Variants in GAB2 observed in about 807,000 individuals in gnomAD.
GAB2 encodes GRB2 associated binding protein 2.
A neutral mutation model predicts 65.5 loss-of-function variants in GAB2; 26 were observed. The ratio of observed to expected loss-of-function variants is 0.40; its 90% CI spans 0.29 to 0.55. The LOEUF (loss-of-function observed/expected upper bound fraction) is 0.55, where lower values mean the gene tolerates loss of function less well. GAB2 is among the 20% of genes least tolerant of loss of function. The pLI is 0.53. For synonymous variants in GAB2, 321 were observed against 329.6 expected, an observed-to-expected ratio of 0.97 and a Z score of 0.28; for missense variants, 884 against 875.8, an observed-to-expected ratio of 1.01 and a Z score of -0.12.
chr11:78,299,369 G>A (rs891629420), intron 1 of GAB2, among the ~76,000 whole-genome samples: 1 of 152,146 alleles, frequency 6.6e-6, no homozygotes, highest in African/African-American at 2.4e-5. Flanking sequence ...AAGATCACAG[G>A]AAAAGACAGA....
At chr11:78,359,960 G>A (rs1856410991) in intron 1 of GAB2, among the ~76,000 whole-genome samples, 1 of 152,116 alleles carries the variant, frequency 6.6e-6, no homozygotes. Flanking sequence ...CACTTCTCTT[G>A]GAGAATTCAG....
At chr11:78,377,580 T>G (rs1010592464) in intron 1 of GAB2, among the ~76,000 whole-genome samples, 1 of 152,190 alleles carries the variant, frequency 6.6e-6, no homozygotes, top group Non-Finnish European at 1.5e-5. Context: ...CACTTTATTT[T>G]GAAGAACGTG....
At chr11:78,333,994 C>G (rs1855958186) in intron 1 of GAB2, among the ~76,000 whole-genome samples, 1 of 152,174 alleles carries the variant, frequency 6.6e-6, no homozygotes, top group African/African-American at 2.4e-5. Flanking sequence ...CAGACTATAT[C>G]TGAGACCCTC....
At chr11:78,256,647 T>A (rs1865604216) in intron 2 of GAB2, among the ~76,000 whole-genome samples, 1 of 152,210 alleles carries the variant, frequency 6.6e-6, no homozygotes, top group Admixed American at 6.5e-5. Flanking sequence ...AATTCATAAC[T>A]ATCAAGTATT....
At position 78,363,586 on chromosome 11, in the gene GAB2, C is replaced by CTT. The variant is rs772252348; in HGVS notation, c.75+54058_75+54059dup. Among the ~76,000 whole-genome samples the CTT allele has an allele frequency of 5.4e-4, 73 of 135,438 alleles. 1 individual carries two copies. The highest frequency in any genetic ancestry group is 8.0e-3 in the Middle Eastern group (2 of 250). 88.9% of individuals were successfully genotyped at this position (135,438 alleles called of 152,430 possible). On this transcript the variant is annotated intron_variant, in intron 1 of 9. Coordinates refer to ENST00000361507, the MANE Select transcript of GAB2 (RefSeq NM_080491.3). Reference sequence around the variant, plus strand: ...TAAAAGATAAATAGAAATATATTTTCTTTTTTTTTTTTTTTTGAGACAGGG... The same window carrying CTT: ...TAAAAGATAAATAGAAATATATTTTCTTTTTTTTTTTTTTTTTTGAGACAGGG...
chr11:78,270,898 G>A (rs1187872255), intron 2 of GAB2, among the ~76,000 whole-genome samples: 1 of 152,228 alleles, frequency 6.6e-6, no homozygotes, highest in Admixed American at 6.5e-5. Flanking sequence ...ACCTCCAAGA[G>A]GGAAAGTGAT....
At chr11:78,291,589 T>TC in intron 1 of GAB2, among the ~76,000 whole-genome samples, 1 of 128,916 alleles carries the variant, frequency 7.8e-6, no homozygotes, top group African/African-American at 3.2e-5. Flanking sequence ...TTTTTTTTTT[T>TC]GCGACAGGGT....
At chr11:78,312,833 G>GT (rs1855528789) in intron 1 of GAB2, among the ~76,000 whole-genome samples, 1 of 152,164 alleles carries the variant, frequency 6.6e-6, no homozygotes, top group African/African-American at 2.4e-5. Context: ...TTATGACTCT[G>GT]TCCTCTGGGC....
intron 3 of GAB2, among the ~76,000 whole-genome samples, chr11:78,235,313 G>A (rs1320988212): frequency 2.0e-5 from 3 of 151,674 alleles, no homozygotes; most frequent in African/African-American, 4.8e-5. Flanking sequence ...TCACCATGCC[G>A]GGCTAATTTT....
chr11:78,315,446 T>C (rs375201567), intron 1 of GAB2, among the ~76,000 whole-genome samples: 1 of 152,098 alleles, frequency 6.6e-6, no homozygotes, highest in African/African-American at 2.4e-5. Context: ...TTTCAGCAAA[T>C]GGTGCTGGGA....
chr11:78,332,153 G>A (rs1415298811), intron 1 of GAB2, among the ~76,000 whole-genome samples: 3 of 152,192 alleles, frequency 2.0e-5, no homozygotes, highest in Non-Finnish European at 2.9e-5. Flanking sequence ...GACACAAGGC[G>A]GGAGGAAGAC....
At chr11:78,309,927 TGTGTGTGTGTG>T (rs1352143153) in intron 1 of GAB2, among the ~76,000 whole-genome samples, 3 of 14,148 alleles carry the variant, frequency 2.1e-4, no homozygotes, top group African/African-American at 2.4e-4. Flanking sequence ...GGGTTAGAAA[TGTGTGTGTGTG>T]TGTGTGTGTG....
chr11:78,352,884 A>C (rs1856300381), intron 1 of GAB2, among the ~76,000 whole-genome samples: 1 of 152,224 alleles, frequency 6.6e-6, no homozygotes. Context: ...TGTTAACTGC[A>C]GCTAAAAGTT....
Position 78,275,546 on chromosome 11 carries a change from A to T in GAB2, c.376+5055T>A, listed in dbSNP as rs115010432. Among the ~76,000 whole-genome samples, 1,181 of 152,328 alleles carry T rather than the reference A, an allele frequency of 7.8e-3. 14 individuals carry two copies. The highest frequency in any genetic ancestry group is 0.027 in the African/African-American group (1,119 of 41,574). On this transcript the variant is annotated intron_variant, in intron 2 of 9. Transcript: ENST00000361507. ...AAATTAAAACATAACCCATCATGTG[A>T]CTGAATCTTTTAACATACCAGATTC...
intron 1 of GAB2, among the ~76,000 whole-genome samples, chr11:78,395,755 T>C (rs767811596): frequency 1.3e-5 from 2 of 152,162 alleles, no homozygotes; most frequent in Non-Finnish European, 2.9e-5. Flanking sequence ...GTTGCCATTA[T>C]CTCTATTTTA....
intron 1 of GAB2, among the ~76,000 whole-genome samples, chr11:78,336,172 G>A (rs1034836930): frequency 4.6e-5 from 7 of 151,156 alleles, no homozygotes; most frequent in Non-Finnish European, 7.4e-5. Flanking sequence ...AAATTAGCTG[G>A]GCATAGTGGT....
intron 1 of GAB2, among the ~76,000 whole-genome samples, chr11:78,287,649 A>ATTTTTT (rs368184721): frequency 7.3e-6 from 1 of 136,742 alleles, no homozygotes; most frequent in African/African-American, 2.7e-5. Flanking sequence ...TGCTCTTATC[A>ATTTTTT]TTTTTTTTTT....
intron 2 of GAB2, among the ~76,000 whole-genome samples, chr11:78,274,490 A>G (rs913680284): frequency 1.1e-4 from 17 of 152,206 alleles, no homozygotes; most frequent in Admixed American, 8.5e-4. Flanking sequence ...AGTGGGTTCT[A>G]TGTCTGTCTG....
At chr11:78,271,759 A>G (rs1432978207) in intron 2 of GAB2, among the ~76,000 whole-genome samples, 2 of 152,222 alleles carry the variant, frequency 1.3e-5, no homozygotes, top group Non-Finnish European at 2.9e-5. Flanking sequence ...TTGGGAGGCC[A>G]AGGCGGGTGG....
Sources: allele counts gnomAD v4.1 joint callset (sites outside exome capture counted in the v4.1 genomes callset), GRCh38; gene constraint gnomAD v4.1.1; transcripts MANE v1.5; gene names NCBI Gene and HGNC (gene_info 2026-07-23, HGNC 2026-07-21).